The following L3MBTL3 variants were observed in gnomAD, a reference collection of about 807,000 sequenced individuals.
The protein encoded by L3MBTL3 is L3MBTL histone methyl-lysine binding protein 3.
Under a neutral mutation model 102.3 loss-of-function variants are expected in L3MBTL3, and 27 were observed. The ratio of observed to expected loss-of-function variants is 0.26; its 90% confidence interval spans 0.19 to 0.36. The LOEUF is 0.36. L3MBTL3 is among the 10% of genes least tolerant of loss of function. The probability of loss-of-function intolerance (pLI) is 1.00; values close to 1 mark genes in which losing one functional copy is unlikely to be tolerated. For synonymous variants in L3MBTL3, 340 were observed against 320.9 expected (o/e 1.06, Z -0.64); for missense variants, 798 against 955.3 (o/e 0.84, Z 2.17).
intron 7 of L3MBTL3, chr6:130,054,941 CGGT>C (rs1354410875): frequency 6.5e-5 from 30 of 462,514 alleles, no homozygotes; most frequent in African/African-American, 5.2e-4. Flanking sequence ...GAGCGGGGAG[CGGT>C]GTCCATGCCC....
intron 16 of L3MBTL3, among the ~76,000 whole-genome samples, 182 bp from the exon 17 acceptor site, chr6:130,092,563 G>T (rs950555032): frequency 6.6e-6 from 1 of 152,138 alleles, no homozygotes; most frequent in East Asian, 1.9e-4. Flanking sequence ...TACATTGAAG[G>T]TGGTTCAAAG....
At chr6:130,078,914 C>T (rs796927524) in intron 14 of L3MBTL3, among the ~76,000 whole-genome samples, 20 of 152,132 alleles carry the variant, frequency 1.3e-4, no homozygotes, top group African/African-American at 4.8e-4. Flanking sequence ...TTAAGTATTG[C>T]CTTAGTTCAT....
chr6:130,112,647 T>C lies in L3MBTL3; in HGVS notation c.1886+8072T>C, dbSNP rs376807202. ...GGATGCAGCGGGCTGTGGGGATCAG[T>C]ATCTCAGAACATTTGTACCCTAGGA... On this transcript the variant is annotated intron_variant, in intron 19 of 22. Transcript: ENST00000361794. Among the ~76,000 whole-genome samples the C allele has an allele frequency of 5.3e-5, 8 of 152,256 alleles. No homozygotes were observed. In the East Asian group the frequency reaches 9.7e-4, roughly 18 times the overall value.
chr6:130,123,714 T>C (rs1043789578), intron 20 of L3MBTL3, among the ~76,000 whole-genome samples: 3 of 152,192 alleles, frequency 2.0e-5, no homozygotes, highest in African/African-American at 7.2e-5. Flanking sequence ...CAAGAACCAT[T>C]TTGTATGAAA....
chr6:130,059,723 T>C (rs78414654), intron 9 of L3MBTL3, among the ~76,000 whole-genome samples: 1,536 of 152,346 alleles, frequency 0.01, 27 homozygotes, highest in African/African-American at 0.035. Flanking sequence ...TCAAACTTTT[T>C]GATCTTTAAC....
chr6:130,138,733 A>C (rs1787976243), intron 22 of L3MBTL3, among the ~76,000 whole-genome samples: 1 of 151,822 alleles, frequency 6.6e-6, no homozygotes, highest in Non-Finnish European at 1.5e-5. Context: ...AGTGTGTTTT[A>C]CTTTTTGTAC....
chr6:130,067,454 CATTGATTT>C (rs1341897931), intron 11 of L3MBTL3, among the ~76,000 whole-genome samples: 2 of 152,154 alleles, frequency 1.3e-5, no homozygotes, highest in African/African-American at 4.8e-5. Flanking sequence ...TCAATCATTA[CATTGATTT>C]TTGTTTATGT....
At chr6:130,137,956 C>G (rs962218234) in intron 22 of L3MBTL3, 1 of 152,202 alleles carries the variant, frequency 6.6e-6, no homozygotes, top group Non-Finnish European at 1.5e-5. Context: ...TGCCGCTTAA[C>G]GGTGCTACAC....
intron 3 of L3MBTL3, among the ~76,000 whole-genome samples, chr6:130,046,412 G>A (rs1780728010): frequency 6.6e-6 from 1 of 152,236 alleles, no homozygotes; most frequent in East Asian, 1.9e-4. Flanking sequence ...GTAATAAAAT[G>A]AAAATAACCT....
intron 11 of L3MBTL3, among the ~76,000 whole-genome samples, chr6:130,067,827 A>G (rs1782365509): frequency 6.6e-6 from 1 of 152,222 alleles, no homozygotes; most frequent in East Asian, 1.9e-4. Context: ...CATTTCCCTT[A>G]TTGTAATTTG....
At chr6:130,094,796 A>G (rs1784263178) in intron 18 of L3MBTL3, among the ~76,000 whole-genome samples, 2 of 152,250 alleles carry the variant, frequency 1.3e-5, no homozygotes, top group Admixed American at 1.3e-4. Context: ...GCACAATATA[A>G]ATAGTCAAAC....
At chr6:130,059,664 T>A (rs1456852163) in intron 9 of L3MBTL3, among the ~76,000 whole-genome samples, 1 of 152,234 alleles carries the variant, frequency 6.6e-6, no homozygotes, top group Admixed American at 6.5e-5. Flanking sequence ...TTCTTCCTAG[T>A]GATGTATGCG....
chr6:130,111,989 C>T (rs1785379573), intron 19 of L3MBTL3, among the ~76,000 whole-genome samples: 1 of 152,188 alleles, frequency 6.6e-6, no homozygotes, highest in South Asian at 2.1e-4. Context: ...TATGCTTCAG[C>T]CACCCTGTCC....
At chr6:130,108,442 G>C (rs13209864) in intron 19 of L3MBTL3, among the ~76,000 whole-genome samples, 9,702 of 151,764 alleles carry the variant, frequency 0.064, 450 homozygotes, top group Non-Finnish European at 0.1. Context: ...TACCATGTTA[G>C]CCAGGATGGT....
chr6:130,062,376 G>A (rs1204241035), intron 10 of L3MBTL3, among the ~76,000 whole-genome samples: 1 of 150,312 alleles, frequency 6.7e-6, no homozygotes, highest in South Asian at 2.1e-4. Flanking sequence ...ACACACGCGC[G>A]CACACACACA....
rs569643563 is a variant in L3MBTL3, at chr6:130,045,434, A to G, written c.102+2633A>G. ...GAATAGAGAACGTACTCTCTGCTGA[A>G]CACTCTACCTGCATCTTTTTATTTA... On this transcript the variant is annotated intron_variant, in intron 3 of 22. Coordinates refer to ENST00000361794, the MANE Select transcript of L3MBTL3 (RefSeq NM_032438.4). Among the ~76,000 whole-genome samples the G allele has an allele frequency of 2.0e-5, 3 of 152,280 alleles. No homozygotes were observed. The East Asian group carries it at 5.8e-4, about 29-fold the overall frequency.
chr6:130,049,185 A>T, intron 3 of L3MBTL3, 97 bp from the exon 4 acceptor site: 1 of 688,570 alleles, frequency 1.5e-6, no homozygotes, highest in Admixed American at 2.6e-5. Context: ...TTACCATGTA[A>T]TTAATTTGCT....
At chr6:130,107,113 T>A (rs1785031350) in intron 19 of L3MBTL3, among the ~76,000 whole-genome samples, 1 of 152,170 alleles carries the variant, frequency 6.6e-6, no homozygotes, top group Non-Finnish European at 1.5e-5. Flanking sequence ...TTTGTCCTAG[T>A]GTCATGACTT....
At chr6:130,096,499 T>A (rs1784374137) in intron 18 of L3MBTL3, among the ~76,000 whole-genome samples, 1 of 152,142 alleles carries the variant, frequency 6.6e-6, no homozygotes, top group African/African-American at 2.4e-5. Context: ...AAACAAAACT[T>A]TTTTTGGTCT....
Sources: gnomAD v4.1 joint callset for allele counts (sites outside exome capture counted in the v4.1 genomes callset) on GRCh38, gnomAD v4.1.1 for gene constraint, MANE v1.5 for transcripts, NCBI Gene and HGNC (gene_info 2026-07-23, HGNC 2026-07-21) for gene names.